Variants in SPAG16 observed in about 807,000 individuals in gnomAD.
SPAG16 encodes the protein sperm-associated antigen 16 protein.
In SPAG16, 86 loss-of-function variants were observed where a neutral mutation model predicts 80.4. The observed-to-expected ratio is 1.07, with a 90% confidence interval of 0.90 to 1.28. The LOEUF is 1.28. Among genes scored for constraint, SPAG16 ranks in the 50% most tolerant of loss-of-function variants. SPAG16 has a pLI of 0.00. For synonymous variants in SPAG16, 294 were observed against 265.9 expected (o/e 1.11, Z -1.03); for missense variants, 870 against 765.3 (o/e 1.14, Z -1.61).
At chr2:213,476,818 C>G (rs11684128) in intron 9 of SPAG16, among the ~76,000 whole-genome samples, 2 of 152,048 alleles carry the variant, frequency 1.3e-5, no homozygotes, top group Admixed American at 1.3e-4. Flanking sequence ...CTGCCCACAG[C>G]TTGGTGAGCA....
At chr2:213,535,017 T>C (rs1297041749) in intron 10 of SPAG16, among the ~76,000 whole-genome samples, 1 of 152,142 alleles carries the variant, frequency 6.6e-6, no homozygotes, top group Non-Finnish European at 1.5e-5. Context: ...AGAAGACAGC[T>C]ATCTATAAAC....
intron 10 of SPAG16, among the ~76,000 whole-genome samples, chr2:213,758,949 A>G (rs2068496134): frequency 6.6e-6 from 1 of 152,256 alleles, no homozygotes; most frequent in Non-Finnish European, 1.5e-5. Context: ...AGGAATAATC[A>G]GTAAGATTAT....
At chr2:213,931,400 G>A (rs918299800) in intron 12 of SPAG16, among the ~76,000 whole-genome samples, 50 of 152,142 alleles carry the variant, frequency 3.3e-4, no homozygotes, top group Admixed American at 2.9e-3. Flanking sequence ...TATTTATCTG[G>A]AATATCCAAT....
chr2:213,353,906 T>C (rs1005797064), intron 7 of SPAG16, among the ~76,000 whole-genome samples: 7 of 152,210 alleles, frequency 4.6e-5, no homozygotes, highest in Non-Finnish European at 8.8e-5. Context: ...TCTATTTTTT[T>C]ATACTTTAAG....
At chr2:213,638,476 T>C (rs767562998) in intron 10 of SPAG16, among the ~76,000 whole-genome samples, 3 of 152,192 alleles carry the variant, frequency 2.0e-5, no homozygotes, top group Admixed American at 1.3e-4. Context: ...CAATTTTTAA[T>C]TTCCATCTTG....
At chr2:213,504,029 G>A (rs1359790662) in intron 10 of SPAG16, among the ~76,000 whole-genome samples, 1 of 152,144 alleles carries the variant, frequency 6.6e-6, no homozygotes, top group South Asian at 2.1e-4. Context: ...CAGGGTCTGC[G>A]TGTCTTGTTC....
chr2:213,886,962 G>A (rs2076579346), intron 11 of SPAG16, among the ~76,000 whole-genome samples: 1 of 152,012 alleles, frequency 6.6e-6, no homozygotes, highest in African/African-American at 2.4e-5. Context: ...ATTTTTATGT[G>A]CTTTCAGAGC....
chr2:214,118,900 T>C (rs2054079731), intron 14 of SPAG16, among the ~76,000 whole-genome samples: 1 of 151,702 alleles, frequency 6.6e-6, no homozygotes, highest in Admixed American at 6.6e-5. Flanking sequence ...GCCAAAGCAA[T>C]CCTGAGAATA....
chr2:214,155,254 C>T (rs2056163130), intron 15 of SPAG16, among the ~76,000 whole-genome samples: 1 of 152,094 alleles, frequency 6.6e-6, no homozygotes, highest in South Asian at 2.1e-4. Flanking sequence ...AAGGAAAATC[C>T]CAGGAGCTCA....
rs149132858 is a variant in SPAG16 at position 213,522,452 on chromosome 2, G to A, written c.1070+32362G>A. On this transcript the variant is annotated intron_variant, in intron 10 of 15. Transcript: ENST00000331683. ...GGTGGGAAGAGAGAACTGGGCAGAGGGAAAAGTGGACAAAGCCTCAGGCAA... is the reference window on the plus strand; with the variant it reads ...GGTGGGAAGAGAGAACTGGGCAGAGAGAAAAGTGGACAAAGCCTCAGGCAA... Among the ~76,000 whole-genome samples, 651 of 152,266 alleles carry A rather than the reference G, an allele frequency of 4.3e-3. 4 individuals carry two copies. Among genetic ancestry groups the A allele is most frequent in the African/African-American group, 0.014 (600 of 41,538 alleles).
At chr2:213,648,440 C>G (rs529922373) in intron 10 of SPAG16, among the ~76,000 whole-genome samples, 84 of 152,324 alleles carry the variant, frequency 5.5e-4, no homozygotes, top group Admixed American at 1.7e-3. Flanking sequence ...CCAATTAACA[C>G]CTTGATTAAG....
intron 10 of SPAG16, among the ~76,000 whole-genome samples, chr2:213,823,702 AT>A (rs905164206): frequency 6.6e-6 from 1 of 152,050 alleles, no homozygotes; most frequent in Non-Finnish European, 1.5e-5. Flanking sequence ...GGCTGTGTAA[AT>A]GTCTTCTTTC....
At chr2:214,077,847 G>A (rs1026542619) in intron 13 of SPAG16, among the ~76,000 whole-genome samples, 2 of 152,200 alleles carry the variant, frequency 1.3e-5, no homozygotes, top group Non-Finnish European at 1.5e-5. Context: ...CCAAAATCCT[G>A]TATGGCAAAG....
intron 15 of SPAG16, among the ~76,000 whole-genome samples, chr2:214,211,268 C>G (rs1002648485): frequency 6.6e-6 from 1 of 152,180 alleles, no homozygotes; most frequent in South Asian, 2.1e-4. Flanking sequence ...GAGACCTACT[C>G]TAACTTGCTG....
intron 10 of SPAG16, among the ~76,000 whole-genome samples, chr2:213,710,042 G>A (rs1342968119): frequency 2.6e-5 from 4 of 152,166 alleles, no homozygotes; most frequent in African/African-American, 9.7e-5. Context: ...GCCGAGGTGG[G>A]CGGATCACGA....
chr2:213,796,510 A>T (rs1303491331), intron 10 of SPAG16, among the ~76,000 whole-genome samples: 1 of 152,190 alleles, frequency 6.6e-6, no homozygotes, highest in Non-Finnish European at 1.5e-5. Flanking sequence ...CATTCTATGG[A>T]TATACAGTCA....
At chr2:213,313,975 C>T (rs1194999608) in intron 4 of SPAG16, among the ~76,000 whole-genome samples, 1 of 151,814 alleles carries the variant, frequency 6.6e-6, no homozygotes, top group Admixed American at 6.6e-5. Flanking sequence ...GACCTTTCCC[C>T]TGTCTTTTAC....
chr2:214,339,939 T>C (rs1559225784), intron 15 of SPAG16, among the ~76,000 whole-genome samples: 2 of 152,188 alleles, frequency 1.3e-5, no homozygotes, highest in Non-Finnish European at 1.5e-5. Context: ...GCACCTTAAT[T>C]GCAGCCACGT....
chr2:214,000,242 A>C (rs1396470429), intron 12 of SPAG16, among the ~76,000 whole-genome samples: 1 of 152,072 alleles, frequency 6.6e-6, no homozygotes, highest in Non-Finnish European at 1.5e-5. Flanking sequence ...GAATTATCAG[A>C]GCGGTTTCCC....
Sources: allele counts gnomAD v4.1 joint callset (sites outside exome capture counted in the v4.1 genomes callset), GRCh38; gene constraint gnomAD v4.1.1; transcripts MANE v1.5; gene names NCBI Gene and HGNC (gene_info 2026-07-23, HGNC 2026-07-21).